CLSTN2: variants seen among roughly 807,000 people sequenced by gnomAD.
The protein encoded by CLSTN2 is calsyntenin-2.
In CLSTN2, 48 loss-of-function variants were observed where a neutral mutation model predicts 101.2. That is an observed-to-expected ratio of 0.47 (90% CI 0.38 to 0.60). The LOEUF is 0.60. Ranked by LOEUF, CLSTN2 falls within the 20% of genes least tolerant of loss-of-function variation. The pLI is 0.00. For synonymous variants in CLSTN2, 481 were observed against 463.6 expected (o/e 1.04, Z -0.48); for missense variants, 1,160 against 1,238.2 (o/e 0.94, Z 0.95).
At chr3:140,148,449 C>T (rs2009814361) in intron 1 of CLSTN2, among the ~76,000 whole-genome samples, 1 of 152,222 alleles carries the variant, frequency 6.6e-6, no homozygotes, top group South Asian at 2.1e-4. Context: ...ACAGCCCAGC[C>T]TGGCATATTC....
intron 2 of CLSTN2, among the ~76,000 whole-genome samples, chr3:140,317,322 G>T (rs989504008): frequency 6.6e-6 from 1 of 152,106 alleles, no homozygotes; most frequent in African/African-American, 2.4e-5. Flanking sequence ...TCCTCAAGTG[G>T]TTGGAAGCCA....
intron 8 of CLSTN2, among the ~76,000 whole-genome samples, chr3:140,525,726 G>T (rs116364638): frequency 1.1e-4 from 17 of 151,912 alleles, no homozygotes; most frequent in African/African-American, 3.6e-4. Flanking sequence ...AAGTTAAGTC[G>T]CCACATTCAA....
intron 2 of CLSTN2, among the ~76,000 whole-genome samples, chr3:140,261,893 A>C (rs918654986): frequency 6.6e-6 from 1 of 152,058 alleles, no homozygotes; most frequent in African/African-American, 2.4e-5. Context: ...CTATTTTTTT[A>C]TGGCTTATCT....
chr3:140,283,156 C>T (rs2086864775), intron 2 of CLSTN2, among the ~76,000 whole-genome samples: 2 of 152,074 alleles, frequency 1.3e-5, no homozygotes, highest in Non-Finnish European at 2.9e-5. Flanking sequence ...TTATAATATA[C>T]AAGGTTCTAG....
At chr3:139,990,844 G>A (rs559900294) in intron 1 of CLSTN2, among the ~76,000 whole-genome samples, 11 of 152,096 alleles carry the variant, frequency 7.2e-5, no homozygotes, top group Non-Finnish European at 1.5e-4. Context: ...GCCATTGTTG[G>A]TATACAGAAT....
In CLSTN2 at chr3:140,311,287, C is replaced by CTTTTTTTTTTTTTTTTTT. The variant is rs750088450; in HGVS notation, c.233-92323_233-92306dup. 1.2e-4 allele frequency among the ~76,000 whole-genome samples: 6 copies of CTTTTTTTTTTTTTTTTTT among 52,080 alleles called. 1 individual carries two copies. Among genetic ancestry groups the CTTTTTTTTTTTTTTTTTT allele is most frequent in the African/African-American group, 4.7e-4 (5 of 10,624 alleles). The allele number at this position is 52,080 out of a possible 152,430, so 34.2% of individuals were successfully genotyped here. ...ATAATAACAGCTAAGGTTTATTATCCTTTTTTTTTTTTTTTTTTTTTTTTT... is the reference window on the plus strand; with the variant it reads ...ATAATAACAGCTAAGGTTTATTATCCTTTTTTTTTTTTTTTTTTTTTTTTTTTTTTTTTTTTTTTTTTT... On this transcript the variant is annotated intron_variant, in intron 2 of 16. Transcript: ENST00000458420.
intron 1 of CLSTN2, among the ~76,000 whole-genome samples, chr3:139,940,060 C>T (rs1935099066): frequency 6.6e-6 from 1 of 152,302 alleles, no homozygotes; most frequent in Non-Finnish European, 1.5e-5. Flanking sequence ...CCTCTCTTTC[C>T]TGCATGCCTG....
intron 2 of CLSTN2, among the ~76,000 whole-genome samples, chr3:140,187,582 T>C (rs1029295076): frequency 2.6e-5 from 4 of 152,196 alleles, no homozygotes; most frequent in African/African-American, 7.2e-5. Flanking sequence ...GAGTGATATA[T>C]TCAAATACAG....
At chr3:140,158,423 A>T (rs1252803919) in intron 1 of CLSTN2, among the ~76,000 whole-genome samples, 16 of 152,160 alleles carry the variant, frequency 1.1e-4, no homozygotes, top group Admixed American at 9.8e-4. Context: ...TGAAAGTCAA[A>T]TGAAGAACAC....
chr3:140,318,389 C>T (rs778728435), intron 2 of CLSTN2, among the ~76,000 whole-genome samples: 45 of 152,210 alleles, frequency 3.0e-4, no homozygotes, highest in East Asian at 5.8e-4. Flanking sequence ...AAAGACAGAG[C>T]AGGTAGATCA....
chr3:140,471,541 G>A (rs944742273), intron 8 of CLSTN2, among the ~76,000 whole-genome samples: 14 of 152,138 alleles, frequency 9.2e-5, no homozygotes, highest in African/African-American at 3.1e-4. Context: ...ATTGTACTAG[G>A]CATCAGGGAT....
rs573587812 is a variant in CLSTN2 at position 140,521,944 on chromosome 3, G to A, written c.1345-10380G>A. Among the ~76,000 whole-genome samples the A allele has an allele frequency of 1.4e-4, 21 of 152,258 alleles. No homozygotes were observed. The South Asian group carries it at 3.7e-3, about 27-fold the overall frequency. ...TATGTAGGGATTGACATTCCACCTC[G>A]CTGGGAATCCCAGGGCCAGCAAAAC... On this transcript the variant is annotated intron_variant, in intron 8 of 16. Coordinates refer to ENST00000458420, the MANE Select transcript of CLSTN2 (RefSeq NM_022131.3).
At chr3:140,020,473 CTCTT>C (rs773037220) in intron 1 of CLSTN2, among the ~76,000 whole-genome samples, 1 of 152,224 alleles carries the variant, frequency 6.6e-6, no homozygotes, top group African/African-American at 2.4e-5. Context: ...TCCTACCTCT[CTCTT>C]TCTACCCCTG....
At chr3:140,211,872 G>C (rs529866892) in intron 2 of CLSTN2, among the ~76,000 whole-genome samples, 1 of 152,264 alleles carries the variant, frequency 6.6e-6, no homozygotes, top group African/African-American at 2.4e-5. Context: ...CAAGGGCCTA[G>C]TGCTCACAAT....
At chr3:140,111,080 T>C (rs2009148006) in intron 1 of CLSTN2, among the ~76,000 whole-genome samples, 1 of 152,182 alleles carries the variant, frequency 6.6e-6, no homozygotes, top group Non-Finnish European at 1.5e-5. Context: ...ACTCTATGCT[T>C]CCTATCTCAT....
chr3:140,215,665 G>A (rs2010911086), intron 2 of CLSTN2, among the ~76,000 whole-genome samples: 2 of 152,168 alleles, frequency 1.3e-5, no homozygotes, highest in East Asian at 1.9e-4. Flanking sequence ...CAATAGTGGA[G>A]AGAGTCAGTA....
chr3:139,942,206 A>C (rs1935143248), intron 1 of CLSTN2, among the ~76,000 whole-genome samples: 1 of 152,130 alleles, frequency 6.6e-6, no homozygotes, highest in Non-Finnish European at 1.5e-5. Flanking sequence ...AAATTGCTGA[A>C]AGAATCGGTT....
intron 2 of CLSTN2, among the ~76,000 whole-genome samples, chr3:140,307,977 C>T (rs1248591829): frequency 6.6e-6 from 1 of 152,204 alleles, no homozygotes; most frequent in East Asian, 1.9e-4. Flanking sequence ...ATAATCCTTA[C>T]AGGCACAACA....
intron 8 of CLSTN2, among the ~76,000 whole-genome samples, chr3:140,522,660 T>A (rs1935055709): frequency 6.6e-6 from 1 of 152,222 alleles, no homozygotes; most frequent in African/African-American, 2.4e-5. Flanking sequence ...CAGCCACACA[T>A]CTTTCAAGGA....
Sources: gnomAD v4.1 joint callset for allele counts (sites outside exome capture counted in the v4.1 genomes callset) on GRCh38, gnomAD v4.1.1 for gene constraint, MANE v1.5 for transcripts, NCBI Gene and HGNC (gene_info 2026-07-23, HGNC 2026-07-21) for gene names.